Variants in SYNE2 observed in about 807,000 individuals in gnomAD.
SYNE2 encodes nesprin-2.
SYNE2 carries 431 observed loss-of-function variants against 856.3 expected under a neutral mutation model. The ratio of observed to expected loss-of-function variants is 0.50; its 90% CI spans 0.47 to 0.55. SYNE2 has a LOEUF of 0.55. Ranked by LOEUF, SYNE2 falls within the 20% of genes least tolerant of loss-of-function variation. The pLI is 0.00. For missense variants in SYNE2, 8,129 were observed against 8,023.2 expected (o/e 1.01, Z -0.50); for synonymous variants, 2,923 against 2,872.3 (o/e 1.02, Z -0.56).
At chr14:64,087,574 T>C (rs562373529) in intron 57 of SYNE2, 97 bp from the exon 58 acceptor site, 1 of 1,313,596 alleles carries the variant, frequency 7.6e-7, no homozygotes, top group South Asian at 1.2e-5. Context: ...GTTTAAAATG[T>C]TGAGATAACT....
intron 84 of SYNE2, among the ~76,000 whole-genome samples, chr14:64,149,169 G>A (rs549822666): frequency 1.5e-4 from 22 of 151,670 alleles, no homozygotes; most frequent in Admixed American, 1.3e-3. Context: ...TCTGGGCATA[G>A]TGTTGCACAC....
chr14:63,804,399 T>C (rs1888277941), intron 1 of SYNE2, among the ~76,000 whole-genome samples: 1 of 152,198 alleles, frequency 6.6e-6, no homozygotes, highest in Admixed American at 6.5e-5. Context: ...TCTGTTTCTA[T>C]TGCAATTGCT....
chr14:64,065,278 T>C (rs1379823747), intron 50 of SYNE2, among the ~76,000 whole-genome samples, 154 bp from the exon 51 acceptor site: 1 of 152,264 alleles, frequency 6.6e-6, no homozygotes, highest in Non-Finnish European at 1.5e-5. Flanking sequence ...AATTCTCATC[T>C]GGTCTATATT....
intron 30 of SYNE2, among the ~76,000 whole-genome samples, chr14:64,006,231 A>C (rs1273939373): frequency 6.6e-6 from 1 of 152,176 alleles, no homozygotes; most frequent in East Asian, 1.9e-4. Context: ...TTTATCCTTA[A>C]ATAACTCCTT....
At position 64,002,062 on chromosome 14, in the gene SYNE2, G is replaced by A. The variant is rs183356628; in HGVS notation, c.3767G>A (p.Arg1256His). 188 of 1,612,666 alleles carry A rather than the reference G, an allele frequency of 1.2e-4. No homozygotes were observed. In the African/African-American group the frequency reaches 2.3e-3, roughly 20 times the overall value. The change falls in exon 29 of 116, where the codon CGC becomes CAC. Residue 1256 changes from arginine to histidine, a missense_variant. Coordinates refer to ENST00000555002, the MANE Select transcript of SYNE2 (RefSeq NM_182914.3). The stretch of plus-strand genomic sequence containing the variant: ...GGATTTCATCTCATTGATGCTGATC[G>A]CATCTATCAACACCTAAGGGTAAGT... Reference protein sequence around the residue: ...IQGFHLIDADRIYQHLRNIQD... With the variant: ...IQGFHLIDADHIYQHLRNIQD...
At chr14:64,135,603 CTTA>C (rs988244605) in intron 78 of SYNE2, among the ~76,000 whole-genome samples, 1 of 152,050 alleles carries the variant, frequency 6.6e-6, no homozygotes, top group Admixed American at 6.6e-5. Context: ...TATTTTAAGG[CTTA>C]TTATTTTAAG....
At position 64,223,384 on chromosome 14, in the gene SYNE2, A is replaced by G; in HGVS notation, c.20382+4A>G. ...AATGGCCTTGCAGGGAACCCAGGTG[A>G]GTCTACTTGTAGCTTTTAACTGTAA... On this transcript the variant is annotated splice_donor_region_variant and intron_variant, in intron 113 of 115. Coordinates refer to ENST00000555002, the MANE Select transcript of SYNE2 (RefSeq NM_182914.3). 6.2e-7 allele frequency: 1 copy of G among 1,613,608 alleles called. No homozygotes were observed. Among genetic ancestry groups the G allele is most frequent in the Non-Finnish European group, 8.5e-7 (1 of 1,179,770 alleles).
At chr14:63,804,254 G>A (rs986624803) in intron 1 of SYNE2, among the ~76,000 whole-genome samples, 25 of 152,042 alleles carry the variant, frequency 1.6e-4, no homozygotes, top group Non-Finnish European at 8.8e-5. Flanking sequence ...GTTCCCTATA[G>A]GTTCTGGATA....
intron 99 of SYNE2, among the ~76,000 whole-genome samples, chr14:64,202,453 C>A (rs2098577582): frequency 6.6e-6 from 1 of 152,140 alleles, no homozygotes; most frequent in African/African-American, 2.4e-5. Flanking sequence ...GTTATTTTCA[C>A]TTAGGAAAAA....
intron 18 of SYNE2, 21 bp downstream of exon 18, chr14:63,983,907 A>C (rs754386728): frequency 6.9e-7 from 1 of 1,439,280 alleles, no homozygotes; most frequent in Non-Finnish European, 9.6e-7. Flanking sequence ...CATACTTTGT[A>C]TATTTCACTT....
intron 1 of SYNE2, among the ~76,000 whole-genome samples, chr14:63,764,407 C>T (rs12890867): frequency 0.013 from 1,931 of 152,098 alleles, 36 homozygotes; most frequent in Admixed American, 0.061. Context: ...CAATGGCTCA[C>T]GCCTATAATC....
chr14:64,222,072 G>T (rs1181251312), intron 112 of SYNE2, among the ~76,000 whole-genome samples: 1 of 152,216 alleles, frequency 6.6e-6, no homozygotes, highest in Non-Finnish European at 1.5e-5. Context: ...TGGGTTTTCT[G>T]TATCCACTAT....
intron 19 of SYNE2, among the ~76,000 whole-genome samples, chr14:63,988,335 C>T (rs1221552421): frequency 6.6e-6 from 1 of 152,230 alleles, no homozygotes; most frequent in Admixed American, 6.5e-5. Context: ...GCCTCAGCCC[C>T]TCAAAGTGCT....
At chr14:64,127,889 A>G (rs1035907598) in intron 73 of SYNE2, among the ~76,000 whole-genome samples, 1 of 152,216 alleles carries the variant, frequency 6.6e-6, no homozygotes, top group African/African-American at 2.4e-5. Context: ...ACTGTACTGA[A>G]CAAATGACCC....
At chr14:63,873,635 C>A (rs1047298222) in intron 1 of SYNE2, 7 of 152,306 alleles carry the variant, frequency 4.6e-5, no homozygotes, top group Non-Finnish European at 7.3e-5. Context: ...CGTGATCCAC[C>A]TGCCTCGGCC....
intron 1 of SYNE2, among the ~76,000 whole-genome samples, chr14:63,807,400 T>A (rs1355670269): frequency 2.0e-5 from 3 of 148,906 alleles, no homozygotes; most frequent in African/African-American, 4.9e-5. Context: ...TGTTTCAGAA[T>A]GAAAAAGGAG....
chr14:64,117,915 T>C (rs1172771013), intron 66 of SYNE2, among the ~76,000 whole-genome samples: 2 of 152,226 alleles, frequency 1.3e-5, no homozygotes, highest in East Asian at 3.9e-4. Context: ...TTTATCACGC[T>C]ACTCAGGTGG....
intron 11 of SYNE2, among the ~76,000 whole-genome samples, chr14:63,968,701 T>C (rs1196039972): frequency 6.6e-6 from 1 of 152,244 alleles, no homozygotes; most frequent in Non-Finnish European, 1.5e-5. Flanking sequence ...ATTCAATTTT[T>C]AATTTTTATG....
chr14:63,892,749 T>G (rs1400569275), intron 1 of SYNE2, among the ~76,000 whole-genome samples: 1 of 150,320 alleles, frequency 6.7e-6, no homozygotes, highest in Non-Finnish European at 1.5e-5. Flanking sequence ...TTTTTTTTGT[T>G]GTAGAGACAG....
Sources: gnomAD v4.1 joint callset for allele counts (sites outside exome capture counted in the v4.1 genomes callset) on GRCh38, gnomAD v4.1.1 for gene constraint, MANE v1.5 for transcripts, NCBI Gene and HGNC (gene_info 2026-07-23, HGNC 2026-07-21) for gene names.